Variants in SOX6 observed in about 807,000 individuals in gnomAD.
SOX6 encodes transcription factor SOX-6.
SOX6 carries 11 observed loss-of-function variants against 97.8 expected under a neutral mutation model. The observed-to-expected ratio is 0.11, with a 90% CI of 0.07 to 0.19. The LOEUF (loss-of-function observed/expected upper bound fraction) is 0.19. SOX6 is among the 10% of genes least tolerant of loss of function. The pLI is 1.00. For missense variants in SOX6, 810 were observed against 1,039.5 expected (o/e 0.78, Z 3.04); for synonymous variants, 360 against 371.4 (o/e 0.97, Z 0.35).
chr11:16,442,186 T>C (rs991260307), intron 1 of SOX6, among the ~76,000 whole-genome samples: 2 of 152,332 alleles, frequency 1.3e-5, no homozygotes, highest in Non-Finnish European at 1.5e-5. Flanking sequence ...TGCTATTTAC[T>C]TGGTGGAAAA....
At chr11:16,252,337 G>A (rs1590065371) in intron 3 of SOX6, 2 of 152,218 alleles carry the variant, frequency 1.3e-5, no homozygotes, top group Admixed American at 6.6e-5. Context: ...TCAGATTCCA[G>A]AGAAAGACAG....
intron 7 of SOX6, among the ~76,000 whole-genome samples, chr11:16,099,945 T>C (rs1308437507): frequency 6.6e-6 from 1 of 151,666 alleles, no homozygotes; most frequent in Non-Finnish European, 1.5e-5. Flanking sequence ...AAAGTAAAAA[T>C]GAATACATTA....
Position 16,597,059 on chromosome 11 carries a change from G to A in SOX6, n.609+15022C>T, listed in dbSNP as rs1487606696. Among the ~76,000 whole-genome samples the A allele has an allele frequency of 3.9e-5, 6 of 152,070 alleles. No homozygotes were observed. In the East Asian group the frequency reaches 9.6e-4, roughly 24 times the overall value. On this transcript the variant is annotated intron_variant and non_coding_transcript_variant, in intron 4 of 5. Transcript: ENST00000524520. ...TGTTTGAAGTAAATAATATCCTGAAGCAAAACCCAATTGAAACATTGATTC... is the reference window on the plus strand; with the variant it reads ...TGTTTGAAGTAAATAATATCCTGAAACAAAACCCAATTGAAACATTGATTC...
chr11:16,531,289 T>C (rs1351681050), intron 4 of SOX6, among the ~76,000 whole-genome samples: 1 of 151,580 alleles, frequency 6.6e-6, no homozygotes, highest in African/African-American at 2.4e-5. Context: ...CCCCTCCTAA[T>C]ATTATTTTTC....
At chr11:15,979,571 T>G (rs1044248296) in intron 15 of SOX6, among the ~76,000 whole-genome samples, 3 of 152,184 alleles carry the variant, frequency 2.0e-5, no homozygotes, top group Non-Finnish European at 2.9e-5. Flanking sequence ...ACTTGGTTCC[T>G]TATTATGAAG....
chr11:16,028,394 T>A (rs796741264), intron 12 of SOX6, among the ~76,000 whole-genome samples: 5 of 152,312 alleles, frequency 3.3e-5, no homozygotes, highest in African/African-American at 1.2e-4. Context: ...GTAGTCAATA[T>A]TTTCCTTTTT....
intron 4 of SOX6, among the ~76,000 whole-genome samples, chr11:16,538,599 C>T (rs749106572): frequency 6.6e-6 from 1 of 151,934 alleles, no homozygotes; most frequent in Non-Finnish European, 1.5e-5. Flanking sequence ...CAGAGACACA[C>T]ATAGGCTCAA....
chr11:16,023,741 A>G lies in SOX6; in HGVS notation c.1624-8691T>C, dbSNP rs1331434083. 2.6e-5 allele frequency among the ~76,000 whole-genome samples: 4 copies of G among 152,326 alleles called. No individual in the cohort carries two copies. In the East Asian group the frequency reaches 7.7e-4, roughly 29 times the overall value. On this transcript the variant is annotated intron_variant, in intron 12 of 15. Transcript: ENST00000683767. ...TAATTAAAAAGGCCAATCTCTTATG[A>G]AAGGGTAATAGAATAAACTGTTACA...
intron 9 of SOX6, among the ~76,000 whole-genome samples, chr11:16,070,509 T>A (rs952886144): frequency 1.3e-5 from 2 of 152,166 alleles, no homozygotes; most frequent in Non-Finnish European, 2.9e-5. Flanking sequence ...GGAACATAGT[T>A]GCAAATAATT....
intron 1 of SOX6, among the ~76,000 whole-genome samples, chr11:16,380,109 G>T (rs1263723481): frequency 6.6e-6 from 1 of 151,282 alleles, no homozygotes; most frequent in Admixed American, 6.6e-5. Flanking sequence ...AAAGTGAAAA[G>T]GTTTTTTTCT....
At chr11:16,293,907 C>A (rs1248790542) in intron 3 of SOX6, among the ~76,000 whole-genome samples, 1 of 151,952 alleles carries the variant, frequency 6.6e-6, no homozygotes, top group African/African-American at 2.4e-5. Context: ...AAACCCAGAG[C>A]AGGATTATTC....
intron 3 of SOX6, among the ~76,000 whole-genome samples, chr11:16,674,469 C>CTT (rs1019816196): frequency 1.3e-5 from 2 of 152,196 alleles, no homozygotes; most frequent in African/African-American, 4.8e-5. Flanking sequence ...AACTGAAAGC[C>CTT]TTTTATCTTT....
intron 1 of SOX6, among the ~76,000 whole-genome samples, chr11:16,393,038 T>C (rs574733820): frequency 1.3e-5 from 2 of 152,234 alleles, no homozygotes; most frequent in African/African-American, 4.8e-5. Flanking sequence ...ATTCCATTTT[T>C]AGTCAACCAT....
At chr11:16,310,638 G>A (rs1355994410) in intron 3 of SOX6, among the ~76,000 whole-genome samples, 1 of 152,004 alleles carries the variant, frequency 6.6e-6, no homozygotes, top group African/African-American at 2.4e-5. Context: ...AGTATGAGTG[G>A]TCCTGGGAAA....
chr11:16,578,668 C>A (rs974770498), intron 4 of SOX6, among the ~76,000 whole-genome samples: 1 of 152,024 alleles, frequency 6.6e-6, no homozygotes, highest in Non-Finnish European at 1.5e-5. Context: ...AGTTCCTCTG[C>A]TTAAAATACA....
chr11:16,527,572 T>G (rs1280733408), intron 4 of SOX6, among the ~76,000 whole-genome samples: 1 of 152,144 alleles, frequency 6.6e-6, no homozygotes, highest in Non-Finnish European at 1.5e-5. Context: ...TCCCAATAGA[T>G]GAAATACATT....
chr11:16,471,449 CACAG>C (rs35169720), intron 1 of SOX6, among the ~76,000 whole-genome samples: 33,192 of 151,850 alleles, frequency 0.22, 4,091 homozygotes, highest in East Asian at 0.51. Flanking sequence ...TTCCTTATCT[CACAG>C]ACAGACTTGC....
At chr11:16,583,838 A>G (rs1848063772) in intron 4 of SOX6, among the ~76,000 whole-genome samples, 1 of 151,640 alleles carries the variant, frequency 6.6e-6, no homozygotes, top group Admixed American at 6.6e-5. Context: ...AATCCTCCAC[A>G]CTGTTTTCCA....
chr11:16,514,920 C>A (rs1396217204), intron 4 of SOX6, among the ~76,000 whole-genome samples: 2 of 151,702 alleles, frequency 1.3e-5, no homozygotes, highest in Non-Finnish European at 2.9e-5. Context: ...TGTATATGCG[C>A]CACATTTTCT....
Sources: gnomAD v4.1 joint callset for allele counts (sites outside exome capture counted in the v4.1 genomes callset) on GRCh38, gnomAD v4.1.1 for gene constraint, MANE v1.5 for transcripts, NCBI Gene and HGNC (gene_info 2026-07-23, HGNC 2026-07-21) for gene names.